Variants in TRRAP observed in about 807,000 individuals in gnomAD.
TRRAP encodes transformation/transcription domain-associated protein.
TRRAP carries 41 observed loss-of-function variants against 438.8 expected under a neutral mutation model. That is an observed-to-expected ratio of 0.09 (90% CI 0.07 to 0.12). The LOEUF is 0.12. TRRAP is among the 10% of genes least tolerant of loss of function. The probability of loss-of-function intolerance (pLI) is 1.00; values close to 1 mark genes in which losing one functional copy is unlikely to be tolerated. For missense variants in TRRAP, 3,122 were observed against 5,055.1 expected, an observed-to-expected ratio of 0.62 and a Z score of 11.60; for synonymous variants, 1,994 against 1,962.9, an observed-to-expected ratio of 1.02 and a Z score of -0.42.
rs1791873841 is a variant in TRRAP, at chr7:98,961,138, G to T, written c.6490-123G>T. On this transcript the variant is annotated intron_variant, in intron 45 of 72. Coordinates refer to ENST00000456197, the MANE Select transcript of TRRAP (RefSeq NM_001375524.1). ...GAAATACGATTGTCATTCTCTAGTG[G>T]TTTTTTTTACTTAGTCTCCAAATAA... The T allele has an allele frequency of 7.0e-6, 6 of 854,968 alleles. No homozygotes were observed. The Admixed American group carries it at 8.4e-5, about 12-fold the overall frequency. The allele number at this position is 854,968 out of a possible 1,614,324, so 53.0% of individuals were successfully genotyped here.
intron 64 of TRRAP, among the ~76,000 whole-genome samples, chr7:98,990,919 C>G (rs1036867301): frequency 2.0e-5 from 3 of 152,110 alleles, no homozygotes; most frequent in Non-Finnish European, 2.9e-5. Context: ...CATACAATTG[C>G]CAGTGGGTAC....
chr7:98,910,204 C>G lies in TRRAP; in HGVS notation c.1499C>G (p.Pro500Arg), dbSNP rs782804066. Residue 500 changes from proline to arginine, a missense_variant, in exon 15 of 73, where the codon CCA becomes CGA. Physicochemically the swap from Pro to Arg is moderately radical, Grantham distance 103. Around this residue, in one of 24 missense-constraint regions of TRRAP, gnomAD observed 115 missense variants for 124.6 expected, o/e 0.92. Transcript: ENST00000456197. ...GCAGCTCCTGGCCCTGCTCCCTCCC[C>G]AGCCCCTGTCCCTGCCCCACCTCCA... ...APAAPGPAPSPAPVPAPPPPP... is the reference protein window; with the variant it reads ...APAAPGPAPSRAPVPAPPPPP... 1.3e-6 allele frequency: 2 copies of G among 1,593,968 alleles called. No homozygotes were observed. The highest frequency in any genetic ancestry group is 1.7e-6 in the Non-Finnish European group (2 of 1,173,818).
At chr7:99,004,120 G>A (rs183715265) in intron 67 of TRRAP, 70 bp from the exon 68 acceptor site, 22 of 1,392,298 alleles carry the variant, frequency 1.6e-5, no homozygotes, top group African/African-American at 5.8e-5. Context: ...AGGGGCTTGA[G>A]CGTTTTTTGC....
At chr7:98,977,450 C>T (rs904125435) in intron 56 of TRRAP, among the ~76,000 whole-genome samples, 1 of 152,232 alleles carries the variant, frequency 6.6e-6, no homozygotes, top group Admixed American at 6.5e-5. Context: ...TGAGCCACTG[C>T]GCCTGGCCCA....
At chr7:98,982,268 C>T (rs1381275092) in intron 59 of TRRAP, among the ~76,000 whole-genome samples, 1 of 152,136 alleles carries the variant, frequency 6.6e-6, no homozygotes, top group Admixed American at 6.5e-5. Context: ...GCTCTGTTTT[C>T]AGCAAGCTTT....
intron 44 of TRRAP, among the ~76,000 whole-genome samples, chr7:98,958,366 G>A (rs1274315363): frequency 7.2e-5 from 11 of 151,874 alleles, no homozygotes; most frequent in Middle Eastern, 3.4e-3. Flanking sequence ...GCAGTGGTGC[G>A]ATCTTGGCTC....
intron 18 of TRRAP, among the ~76,000 whole-genome samples, chr7:98,912,816 A>G (rs1302842584): frequency 1.3e-5 from 2 of 152,078 alleles, no homozygotes; most frequent in East Asian, 3.9e-4. Flanking sequence ...AGCCAATACA[A>G]TGGTACCAGC....
chr7:98,957,105 T>C (rs1008376629), intron 43 of TRRAP, among the ~76,000 whole-genome samples: 1 of 152,172 alleles, frequency 6.6e-6, no homozygotes, highest in Non-Finnish European at 1.5e-5. Flanking sequence ...ATTAGAAACC[T>C]GGCACTGTCT....
intron 16 of TRRAP, among the ~76,000 whole-genome samples, 192 bp from the exon 17 acceptor site, chr7:98,910,885 G>T (rs1396881987): frequency 4.0e-5 from 6 of 151,420 alleles, no homozygotes; most frequent in African/African-American, 1.5e-4. Context: ...TGAACACCTA[G>T]AGGTTTTTTT....
intron 67 of TRRAP, among the ~76,000 whole-genome samples, chr7:99,000,822 GT>G (rs1793888193): frequency 6.6e-6 from 1 of 152,244 alleles, no homozygotes; most frequent in Non-Finnish European, 1.5e-5. Flanking sequence ...CCTGTCTCGA[GT>G]TTGGGGGATC....
Position 99,003,698 on chromosome 7 carries a change from G to A in TRRAP, c.10310-492G>A, listed in dbSNP as rs568646560. 1.1e-4 allele frequency among the ~76,000 whole-genome samples: 17 copies of A among 152,288 alleles called. No individual in the cohort carries two copies. The South Asian group carries it at 2.5e-3, about 22-fold the overall frequency. ...CTCCACGCGGTGGGAGGTCCCTGAC[G>A]GGGCTTCTCTTGTTCTGTCAGCCTC... is the stretch of plus-strand genomic sequence containing the variant. On this transcript the variant is annotated intron_variant, in intron 67 of 72. Coordinates refer to ENST00000456197, the MANE Select transcript of TRRAP (RefSeq NM_001375524.1).
chr7:98,953,806 T>C (rs1392200377), intron 40 of TRRAP, among the ~76,000 whole-genome samples: 1 of 152,214 alleles, frequency 6.6e-6, no homozygotes, highest in Non-Finnish European at 1.5e-5. Context: ...TTCTGTGTTA[T>C]GTGTGCTTTA....
intron 27 of TRRAP, 70 bp downstream of exon 27, chr7:98,933,472 G>GC: frequency 1.3e-6 from 2 of 1,535,124 alleles, no homozygotes; most frequent in South Asian, 2.5e-5. Context: ...CTTTGTACGC[G>GC]AAGACTGGTC....
chr7:98,999,064 C>CAT, intron 67 of TRRAP: 1 of 1,022,042 alleles, frequency 9.8e-7, no homozygotes, highest in Admixed American at 2.3e-5. Flanking sequence ...GCAGCCATGA[C>CAT]GGGCAGAGAA....
At chr7:99,007,636 A>G (rs1212960217) in intron 69 of TRRAP, among the ~76,000 whole-genome samples, 1 of 151,712 alleles carries the variant, frequency 6.6e-6, no homozygotes, top group East Asian at 2.0e-4. Context: ...GGCGTGAGCC[A>G]CCATGGCCAG....
rs780008901 is a variant in TRRAP at position 98,948,469 on chromosome 7, T to A, written c.4669-97T>A. The A allele has an allele frequency of 3.7e-6, 6 of 1,611,036 alleles. No homozygotes were observed. Among genetic ancestry groups the A allele is most frequent in the Non-Finnish European group, 5.1e-6 (6 of 1,178,760 alleles). On this transcript the variant is annotated intron_variant, in intron 34 of 72. Transcript: ENST00000456197. This position sits in a 1 kb window ranked among gnomAD's most constrained non-coding sequence, Gnocchi z 4.9. ...CGATGTCAACATTTGCTTGTGGGTGTTCATGCACTCCAGTAACAAGGGACC... is the reference window on the plus strand; with the variant it reads ...CGATGTCAACATTTGCTTGTGGGTGATCATGCACTCCAGTAACAAGGGACC...
At chr7:98,887,724 C>T (rs1397092504) in intron 3 of TRRAP, among the ~76,000 whole-genome samples, 13 of 55,186 alleles carry the variant, frequency 2.4e-4, no homozygotes, top group Non-Finnish European at 3.9e-4. Flanking sequence ...AGTGAAACTC[C>T]GTCTCAAAAA....
At position 99,011,967 on chromosome 7, in the gene TRRAP, TGGCCCTGAGCGG is replaced by T; in HGVS notation, c.11338-103_11338-92del. 1 of 1,436,766 alleles carries T rather than the reference TGGCCCTGAGCGG, an allele frequency of 7.0e-7. No homozygotes were observed. Among genetic ancestry groups the T allele is most frequent in the Admixed American group, 2.1e-5 (1 of 48,256 alleles). The allele number at this position is 1,436,766 out of a possible 1,614,324, so 89.0% of individuals were successfully genotyped here. On this transcript the variant is annotated intron_variant, in intron 72 of 72. Coordinates refer to ENST00000456197, the MANE Select transcript of TRRAP (RefSeq NM_001375524.1). The surrounding 1 kb of genome is among the most constrained non-coding windows in gnomAD (Gnocchi z 7.1). ...GTGCTGAAACTCGACTGGCCCTTGGTGGCCCTGAGCGGCCGCTGTGGTTGAGTCCCACCTTGT... is the reference window on the plus strand; with the variant it reads ...GTGCTGAAACTCGACTGGCCCTTGGTCCGCTGTGGTTGAGTCCCACCTTGT...
At chr7:98,931,777 G>T in intron 26 of TRRAP, 112 bp downstream of exon 26, 3 of 1,463,804 alleles carry the variant, frequency 2.0e-6, no homozygotes, top group Non-Finnish European at 2.8e-6. Flanking sequence ...TGGTATCTGT[G>T]GGGCCTTGGT....
Sources: gnomAD v4.1 joint callset for allele counts (sites outside exome capture counted in the v4.1 genomes callset) on GRCh38, gnomAD v4.1.1 for gene constraint, gnomAD v4.1.1 regional missense constraint, Gnocchi (gnomAD v3.1) non-coding constraint, MANE v1.5 for transcripts, NCBI Gene and HGNC (gene_info 2026-07-23, HGNC 2026-07-21) for gene names.